STXBP5L: variants seen among roughly 807,000 people sequenced by gnomAD.
STXBP5L encodes the protein syntaxin-binding protein 5-like.
In STXBP5L, 65 loss-of-function variants were observed where a neutral mutation model predicts 144.5. The ratio of observed to expected loss-of-function variants is 0.45; its 90% CI spans 0.37 to 0.55. The LOEUF (loss-of-function observed/expected upper bound fraction) is 0.55. Ranked by LOEUF, STXBP5L falls within the 20% of genes least tolerant of loss-of-function variation. The pLI is 0.00. For missense variants in STXBP5L, 1,298 were observed against 1,405.5 expected (o/e 0.92, Z 1.22); for synonymous variants, 505 against 469.6 (o/e 1.08, Z -0.97).
At chr3:121,016,665 GAAGA>G (rs1576670443) in intron 3 of STXBP5L, among the ~76,000 whole-genome samples, 3 of 152,178 alleles carry the variant, frequency 2.0e-5, no homozygotes, top group Non-Finnish European at 4.4e-5. Context: ...ACCAGAAGCA[GAAGA>G]AAGAGTGAGC....
At chr3:121,391,890 G>T (rs917251557) in intron 22 of STXBP5L, among the ~76,000 whole-genome samples, 1 of 152,204 alleles carries the variant, frequency 6.6e-6, no homozygotes, top group Non-Finnish European at 1.5e-5. Context: ...CAGTCTGTCT[G>T]TTCTCAGAGC....
At chr3:120,946,996 C>A (rs147042356) in intron 2 of STXBP5L, among the ~76,000 whole-genome samples, 9 of 151,794 alleles carry the variant, frequency 5.9e-5, no homozygotes, top group Non-Finnish European at 1.3e-4. Flanking sequence ...GTAACTAATT[C>A]TTTCTATTAC....
At chr3:121,338,622 G>T (rs1326746610) in intron 20 of STXBP5L, among the ~76,000 whole-genome samples, 1 of 134,540 alleles carries the variant, frequency 7.4e-6, no homozygotes, top group Non-Finnish European at 1.5e-5. Flanking sequence ...GAGAAAGAGA[G>T]AAAGAAAGAA....
chr3:121,213,607 G>A lies in STXBP5L; in HGVS notation c.956+7606G>A, dbSNP rs562716851. Among the ~76,000 whole-genome samples the A allele has an allele frequency of 9.9e-5, 15 of 152,148 alleles. No individual in the cohort carries two copies. In the South Asian group the frequency reaches 1.2e-3, roughly 13 times the overall value. ...AGTTTTTTGATGTGCTGTTGTGTTC[G>A]GTTTGCCAGTATTTTATTGAGGATT... On this transcript the variant is annotated intron_variant, in intron 10 of 26. Coordinates refer to ENST00000471454, the MANE Select transcript of STXBP5L (RefSeq NM_001308330.2).
intron 2 of STXBP5L, among the ~76,000 whole-genome samples, chr3:120,946,089 C>T (rs1204472629): frequency 6.6e-6 from 1 of 151,594 alleles, no homozygotes; most frequent in Non-Finnish European, 1.5e-5. Flanking sequence ...GGAAGCATTC[C>T]TCATAAATTA....
chr3:120,986,303 A>G (rs1382664435), intron 3 of STXBP5L, among the ~76,000 whole-genome samples: 1 of 151,942 alleles, frequency 6.6e-6, no homozygotes, highest in Non-Finnish European at 1.5e-5. Flanking sequence ...TTATTGGCCT[A>G]ACGTATGATC....
intron 23 of STXBP5L, among the ~76,000 whole-genome samples, chr3:121,412,727 C>CAAAAAAAAA (rs35247157): frequency 5.5e-4 from 38 of 69,600 alleles, no homozygotes; most frequent in Non-Finnish European, 7.0e-4. Flanking sequence ...TTTCTCCCTC[C>CAAAAAAAAA]AAAAAAAAAA....
chr3:121,400,340 G>A (rs1198326689), intron 22 of STXBP5L, among the ~76,000 whole-genome samples: 1 of 152,172 alleles, frequency 6.6e-6, no homozygotes, highest in Non-Finnish European at 1.5e-5. Flanking sequence ...CACATGCCTG[G>A]TGACATTTTG....
chr3:121,262,319 C>T (rs780529347), intron 18 of STXBP5L, among the ~76,000 whole-genome samples: 2 of 152,174 alleles, frequency 1.3e-5, no homozygotes, highest in African/African-American at 2.4e-5. Flanking sequence ...AAAAGTTTAA[C>T]GTTCAAAGTC....
At chr3:120,961,611 T>C (rs867547561) in intron 3 of STXBP5L, among the ~76,000 whole-genome samples, 10 of 152,224 alleles carry the variant, frequency 6.6e-5, no homozygotes, top group Middle Eastern at 3.2e-3. Context: ...ACTCATCCTT[T>C]TTTATGGCTA....
chr3:121,099,070 G>A (rs2043283265), intron 5 of STXBP5L: 1 of 152,168 alleles, frequency 6.6e-6, no homozygotes, highest in East Asian at 1.9e-4. Context: ...TATCAATAAA[G>A]GGAGAATTCA....
At position 121,174,779 on chromosome 3, in the gene STXBP5L, G is replaced by A. The variant is rs972199277; in HGVS notation, c.877+17152G>A. On this transcript the variant is annotated intron_variant, in intron 9 of 26. Transcript: ENST00000471454. ...CACAGGGAAAATCAGAGTCAATCCA[G>A]GGAAAGCTTCCTTCAGGGTTCTTGC... Among the ~76,000 whole-genome samples the A allele has an allele frequency of 5.3e-5, 8 of 152,084 alleles. No individual in the cohort carries two copies. In the South Asian group the frequency reaches 6.2e-4, roughly 12 times the overall value.
chr3:121,194,449 T>TGCTTGAGCCCAGGATA (rs1236578597), intron 9 of STXBP5L, among the ~76,000 whole-genome samples: 1 of 151,724 alleles, frequency 6.6e-6, no homozygotes, highest in African/African-American at 2.4e-5. Flanking sequence ...GCAGGAGGAT[T>TGCTTGAGCCCAGGATA]GCTTGAGCCC....
intron 20 of STXBP5L, among the ~76,000 whole-genome samples, chr3:121,366,227 G>T (rs147902946): frequency 1.3e-5 from 2 of 151,790 alleles, no homozygotes; most frequent in African/African-American, 4.8e-5. Context: ...AAAAGAATGC[G>T]TATACTTTTG....
At chr3:121,209,110 A>G (rs768168736) in intron 10 of STXBP5L, among the ~76,000 whole-genome samples, 1 of 152,068 alleles carries the variant, frequency 6.6e-6, no homozygotes, top group Non-Finnish European at 1.5e-5. Flanking sequence ...GTCTTTTTTA[A>G]TAGCTGCACA....
intron 5 of STXBP5L, among the ~76,000 whole-genome samples, chr3:121,051,654 C>A (rs1948005621): frequency 2.0e-5 from 3 of 152,074 alleles, no homozygotes; most frequent in Admixed American, 6.5e-5. Flanking sequence ...AAAATTCACA[C>A]CCTAACATCA....
chr3:121,401,064 A>C (rs1462771778), intron 22 of STXBP5L, among the ~76,000 whole-genome samples: 2 of 152,142 alleles, frequency 1.3e-5, no homozygotes, highest in Admixed American at 1.3e-4. Flanking sequence ...GAAATCCAAG[A>C]GCAGGCAGTA....
At chr3:121,217,624 T>G (rs933866229) in intron 10 of STXBP5L, among the ~76,000 whole-genome samples, 6 of 152,176 alleles carry the variant, frequency 3.9e-5, no homozygotes, top group African/African-American at 1.4e-4. Flanking sequence ...CTGTTCCTAT[T>G]TGGCCATCTT....
chr3:121,220,682 T>C (rs2048947052), intron 10 of STXBP5L, among the ~76,000 whole-genome samples: 1 of 152,064 alleles, frequency 6.6e-6, no homozygotes, highest in African/African-American at 2.4e-5. Flanking sequence ...TCAAAATTAA[T>C]TTTTTTCTGC....
Sources: allele counts gnomAD v4.1 joint callset (sites outside exome capture counted in the v4.1 genomes callset), GRCh38; gene constraint gnomAD v4.1.1; transcripts MANE v1.5; gene names NCBI Gene and HGNC (gene_info 2026-07-23, HGNC 2026-07-21).